The following ZNRF1 variants were observed in gnomAD, a reference collection of about 807,000 sequenced individuals.
The protein encoded by ZNRF1 is E3 ubiquitin-protein ligase ZNRF1.
ZNRF1 carries 3 observed loss-of-function variants against 18.4 expected under a neutral mutation model. The observed-to-expected ratio is 0.16, with a 90% CI of 0.07 to 0.42. ZNRF1 has a LOEUF of 0.42. ZNRF1 is among the 10% of genes least tolerant of loss of function. The pLI, the probability that ZNRF1 is intolerant of heterozygous loss-of-function variation, is 0.99. For synonymous variants in ZNRF1, 157 were observed against 144.2 expected (o/e 1.09, Z -0.64); for missense variants, 310 against 329.8 (o/e 0.94, Z 0.47).
intron 2 of ZNRF1, among the ~76,000 whole-genome samples, chr16:75,098,723 C>G (rs1430480356): frequency 1.3e-5 from 2 of 152,210 alleles, no homozygotes; most frequent in Non-Finnish European, 2.9e-5. Flanking sequence ...TGACTCCCAC[C>G]TTCCTTCTCT....
intron 1 of ZNRF1, among the ~76,000 whole-genome samples, chr16:75,026,790 G>A (rs2035229966): frequency 6.6e-6 from 1 of 151,884 alleles, no homozygotes. Flanking sequence ...GCAAAAATTA[G>A]CCTGGCGTGG....
intron 1 of ZNRF1, among the ~76,000 whole-genome samples, chr16:75,077,693 G>A (rs892575460): frequency 6.6e-6 from 1 of 152,108 alleles, no homozygotes; most frequent in Non-Finnish European, 1.5e-5. Context: ...CATTGGTCTC[G>A]CTGGGCTGAA....
intron 1 of ZNRF1, among the ~76,000 whole-genome samples, chr16:75,040,598 G>GA (rs377309192): frequency 4.3e-5 from 2 of 46,356 alleles, no homozygotes; most frequent in African/African-American, 1.6e-4. Flanking sequence ...TTTTTTGTGG[G>GA]TTTTTTTTTT....
intron 1 of ZNRF1, among the ~76,000 whole-genome samples, chr16:75,089,409 C>T (rs1476810057): frequency 2.0e-5 from 3 of 152,166 alleles, no homozygotes; most frequent in Non-Finnish European, 4.4e-5. Flanking sequence ...GTGCCCAGCC[C>T]AGAGCTATTT....
intron 1 of ZNRF1, among the ~76,000 whole-genome samples, chr16:75,043,605 A>G (rs1417953762): frequency 1.3e-5 from 2 of 152,078 alleles, no homozygotes; most frequent in Non-Finnish European, 2.9e-5. Context: ...ACAGAAATGG[A>G]TAAGACATGG....
chr16:75,022,525 C>A (rs2145337781), intron 1 of ZNRF1, among the ~76,000 whole-genome samples: 1 of 151,432 alleles, frequency 6.6e-6, no homozygotes. Context: ...GAGATTGTGC[C>A]ACTGCACTCC....
At chr16:75,040,708 G>GT (rs1230605525) in intron 1 of ZNRF1, among the ~76,000 whole-genome samples, 2 of 143,390 alleles carry the variant, frequency 1.4e-5, no homozygotes, top group East Asian at 4.4e-4. Context: ...CTGGGTCCAA[G>GT]TGATTCTCCT....
At chr16:75,096,061 C>CGTGTGTGTGT (rs56013949) in intron 2 of ZNRF1, among the ~76,000 whole-genome samples, 2,237 of 139,698 alleles carry the variant, frequency 0.016, 36 homozygotes, top group Admixed American at 0.023. Flanking sequence ...TATGTGTGCA[C>CGTGTGTGTGT]GTGTGTGTGT....
chr16:75,002,605 A>G (rs1450520044), intron 1 of ZNRF1, among the ~76,000 whole-genome samples: 1 of 152,188 alleles, frequency 6.6e-6, no homozygotes, highest in Non-Finnish European at 1.5e-5. Context: ...GAGGTAGAAT[A>G]CTGAAGGGCC....
In ZNRF1 at chr16:74,999,686, G is replaced by A; in HGVS notation, c.15G>A (p.Gln5=). ...CCCGGGCGAGCATGGGGGGCAAGCAGAGCACGGCGGCCCGCTCCCGGGGCC... is the reference window on the plus strand; with the variant it reads ...CCCGGGCGAGCATGGGGGGCAAGCAAAGCACGGCGGCCCGCTCCCGGGGCC... MGGK[Q]STAARSRGPF... Residue 5 remains glutamine (Q), a synonymous_variant, in exon 1 of 5, where the codon CAG becomes CAA. Transcript: ENST00000335325. 7.4e-7 allele frequency: 1 copy of A among 1,359,464 alleles called. No individual in the cohort carries two copies. The highest frequency in any genetic ancestry group is 9.4e-7 in the Non-Finnish European group (1 of 1,062,474). 84.2% of individuals were successfully genotyped at this position (1,359,464 alleles called of 1,614,324 possible).
chr16:75,049,186 G>A (rs1187208591), intron 1 of ZNRF1, among the ~76,000 whole-genome samples: 1 of 148,514 alleles, frequency 6.7e-6, no homozygotes, highest in Non-Finnish European at 1.5e-5. Flanking sequence ...TGTATTTTTA[G>A]TAGAGACAGG....
At chr16:75,043,880 C>G (rs1276946241) in intron 1 of ZNRF1, among the ~76,000 whole-genome samples, 1 of 144,566 alleles carries the variant, frequency 6.9e-6, no homozygotes, top group Non-Finnish European at 1.5e-5. Context: ...ACCTCCACTT[C>G]CCTGGTTCAA....
chr16:75,007,203 G>A (rs529440574), intron 1 of ZNRF1, among the ~76,000 whole-genome samples: 83 of 152,092 alleles, frequency 5.5e-4, no homozygotes, highest in Middle Eastern at 3.4e-3. Context: ...GACTACAGGC[G>A]GATGCCGCTA....
chr16:75,035,124 C>G (rs1004660800), intron 1 of ZNRF1, among the ~76,000 whole-genome samples: 15 of 151,054 alleles, frequency 9.9e-5, no homozygotes, highest in Middle Eastern at 3.4e-3. Flanking sequence ...CACCCTCCAC[C>G]CCCCCTCCCC....
chr16:75,018,332 A>G (rs774279328), intron 1 of ZNRF1, among the ~76,000 whole-genome samples: 1 of 152,210 alleles, frequency 6.6e-6, no homozygotes, highest in African/African-American at 2.4e-5. Context: ...AATGAGAAAT[A>G]TCGACAGAAA....
chr16:75,060,776 C>T lies in ZNRF1; in HGVS notation c.425-32796C>T, dbSNP rs185669068. The stretch of plus-strand genomic sequence containing the variant: ...TACAGGCGTGAGCCACCGCGCCCGG[C>T]CAGAAACTTGGATTTTAATCTTGGC... On this transcript the variant is annotated intron_variant, in intron 1 of 4. Transcript: ENST00000335325. Among the ~76,000 whole-genome samples the T allele has an allele frequency of 8.5e-5, 13 of 152,252 alleles. No homozygotes were observed. The East Asian group carries it at 2.1e-3, about 25-fold the overall frequency.
intron 1 of ZNRF1, among the ~76,000 whole-genome samples, chr16:75,015,881 A>G (rs912455515): frequency 1.3e-5 from 2 of 151,940 alleles, no homozygotes; most frequent in African/African-American, 2.4e-5. Context: ...TTTGAGGAGT[A>G]GTAAAGTCAT....
chr16:75,005,549 G>A (rs1164069867), intron 1 of ZNRF1, among the ~76,000 whole-genome samples: 1 of 152,196 alleles, frequency 6.6e-6, no homozygotes, highest in Non-Finnish European at 1.5e-5. Context: ...ATTGGGCACA[G>A]AAATTTGAGT....
chr16:75,078,715 G>A (rs767018692), intron 1 of ZNRF1, among the ~76,000 whole-genome samples: 5 of 152,236 alleles, frequency 3.3e-5, no homozygotes, highest in Non-Finnish European at 5.9e-5. Context: ...TCTTCAAGGT[G>A]AAAAGTCAAA....
Sources: gnomAD v4.1 joint callset for allele counts (sites outside exome capture counted in the v4.1 genomes callset) on GRCh38, gnomAD v4.1.1 for gene constraint, MANE v1.5 for transcripts, NCBI Gene and HGNC (gene_info 2026-07-23, HGNC 2026-07-21) for gene names.